The following EXOC6B variants were observed in gnomAD, a reference collection of about 807,000 sequenced individuals.
EXOC6B encodes the protein exocyst complex component 6B, also known as SEC15 homolog B.
In EXOC6B, 54 loss-of-function variants were observed where a neutral mutation model predicts 113.5. The ratio of observed to expected loss-of-function variants is 0.48; its 90% CI spans 0.38 to 0.60. EXOC6B has a LOEUF of 0.60. Among genes scored for constraint, EXOC6B ranks in the 20% least tolerant of loss-of-function variants. The probability of loss-of-function intolerance (pLI) is 0.00; values close to 1 mark genes in which losing one functional copy is unlikely to be tolerated. For synonymous variants in EXOC6B, 357 were observed against 339.0 expected (o/e 1.05, Z -0.58); for missense variants, 797 against 977.5 (o/e 0.82, Z 2.46).
At chr2:72,350,511 T>C (rs917814620) in intron 19 of EXOC6B, among the ~76,000 whole-genome samples, 8 of 152,240 alleles carry the variant, frequency 5.3e-5, no homozygotes, top group African/African-American at 1.9e-4. Flanking sequence ...GGATCTATCT[T>C]ATTAGAGAAT....
intron 5 of EXOC6B, chr2:72,721,984 C>A (rs146948032): frequency 7.1e-6 from 1 of 141,372 alleles, no homozygotes; most frequent in East Asian, 2.1e-4. Context: ...TGCAGTACCT[C>A]CAGGAATGGT....
At chr2:72,183,011 C>A in intron 21 of EXOC6B, 1 of 666,120 alleles carries the variant, frequency 1.5e-6, no homozygotes, top group Non-Finnish European at 2.1e-6. Flanking sequence ...AGTTTTTAGT[C>A]TCTTGGCTCC....
intron 6 of EXOC6B, among the ~76,000 whole-genome samples, chr2:72,627,182 T>C (rs1672104213): frequency 6.6e-6 from 1 of 152,224 alleles, no homozygotes. Context: ...AATCAGTGTC[T>C]TGTTTTTCTT....
At chr2:72,352,912 A>C (rs1367949487) in intron 19 of EXOC6B, among the ~76,000 whole-genome samples, 3 of 152,156 alleles carry the variant, frequency 2.0e-5, no homozygotes, top group Non-Finnish European at 4.4e-5. Flanking sequence ...AAAAGCGCTC[A>C]ATTAATACAG....
chr2:72,269,319 G>T (rs1684333554), intron 20 of EXOC6B, among the ~76,000 whole-genome samples: 1 of 152,084 alleles, frequency 6.6e-6, no homozygotes, highest in Admixed American at 6.6e-5. Flanking sequence ...TGTATTTAAG[G>T]TATGGAGAAA....
At chr2:72,301,428 G>C (rs1235893282) in intron 20 of EXOC6B, among the ~76,000 whole-genome samples, 3 of 152,190 alleles carry the variant, frequency 2.0e-5, no homozygotes. Context: ...AATGTTACCA[G>C]TTCTTCTTTG....
At chr2:72,454,735 G>A (rs1434508847) in intron 18 of EXOC6B, among the ~76,000 whole-genome samples, 2 of 152,074 alleles carry the variant, frequency 1.3e-5, no homozygotes, top group Non-Finnish European at 2.9e-5. Flanking sequence ...CATTAAAGAG[G>A]CAAAGGACTA....
intron 6 of EXOC6B, among the ~76,000 whole-genome samples, chr2:72,690,474 T>G (rs1226577469): frequency 6.6e-6 from 1 of 152,184 alleles, no homozygotes; most frequent in East Asian, 1.9e-4. Flanking sequence ...CTCATTTGAG[T>G]CTTTATTTTG....
Position 72,179,109 on chromosome 2 carries a change from G to C in EXOC6B, c.*226C>G, listed in dbSNP as rs1677921910. 2.0e-6 allele frequency: 1 copy of C among 509,816 alleles called. No homozygotes were observed. The highest frequency in any genetic ancestry group is 3.4e-6 in the Non-Finnish European group (1 of 294,164). 31.6% of individuals were successfully genotyped at this position (509,816 alleles called of 1,614,324 possible). A position where few individuals can be genotyped will look rare whatever the true frequency, so the allele number is the denominator to read the frequency against. On this transcript the variant is annotated 3_prime_UTR_variant, in exon 22 of 22. Coordinates refer to ENST00000272427, the MANE Select transcript of EXOC6B (RefSeq NM_015189.3). ...TCTCTAAGATAACACAGATAGTGTA[G>C]TAATAACTTCCCCTGAGTCCCAGCC...
chr2:72,625,134 C>A lies in EXOC6B; in HGVS notation c.670-49466G>T, dbSNP rs570425832. ...GCAGAATCTCGCTATATTGTTCAGG[C>A]TGGTCTCCTAGCGTCAGGTAATCCT... On this transcript the variant is annotated intron_variant, in intron 6 of 21. Coordinates refer to ENST00000272427, the MANE Select transcript of EXOC6B (RefSeq NM_015189.3). Among the ~76,000 whole-genome samples the A allele has an allele frequency of 1.1e-4, 17 of 151,326 alleles. No homozygotes were observed. In the South Asian group the frequency reaches 2.9e-3, roughly 26 times the overall value.
intron 19 of EXOC6B, among the ~76,000 whole-genome samples, chr2:72,370,333 A>G (rs1398892134): frequency 1.3e-5 from 2 of 152,166 alleles, no homozygotes; most frequent in African/African-American, 4.8e-5. Flanking sequence ...CACCAGTTAG[A>G]ATGGCGATCA....
intron 8 of EXOC6B, among the ~76,000 whole-genome samples, chr2:72,557,260 GA>G (rs1241529712): frequency 2.4e-5 from 2 of 85,080 alleles, no homozygotes; most frequent in African/African-American, 4.4e-5. Flanking sequence ...TGAATGAATG[GA>G]AAAAAATATA....
chr2:72,537,248 G>C (rs1296114072), intron 8 of EXOC6B, among the ~76,000 whole-genome samples: 2 of 151,932 alleles, frequency 1.3e-5, no homozygotes, highest in Non-Finnish European at 2.9e-5. Context: ...TAGTTATCCA[G>C]TAAGATCTTT....
At chr2:72,427,159 C>T (rs769444421) in intron 18 of EXOC6B, among the ~76,000 whole-genome samples, 1 of 152,190 alleles carries the variant, frequency 6.6e-6, no homozygotes, top group East Asian at 1.9e-4. Context: ...CCAGCCGCCC[C>T]GTGGCCACAG....
In EXOC6B at chr2:72,794,800, A is replaced by C. The variant is rs143414990; in HGVS notation, c.113+30998T>G. 3.4e-3 allele frequency among the ~76,000 whole-genome samples: 525 copies of C among 152,366 alleles called. 4 individuals carry two copies. Among genetic ancestry groups the C allele is most frequent in the African/African-American group, 0.012 (499 of 41,578 alleles). ...GGAAATAGAAGTAGGAAAGAAATTA[A>C]CAGAGAAATTCTAACAGGAAATGAG... On this transcript the variant is annotated intron_variant, in intron 1 of 21. Coordinates refer to ENST00000272427, the MANE Select transcript of EXOC6B (RefSeq NM_015189.3).
intron 17 of EXOC6B, among the ~76,000 whole-genome samples, chr2:72,467,816 G>C (rs1298152633): frequency 6.6e-6 from 1 of 151,788 alleles, no homozygotes; most frequent in Non-Finnish European, 1.5e-5. Context: ...TGTCACCTAG[G>C]CTGGAGTGAA....
chr2:72,767,304 G>A (rs1359388652), intron 1 of EXOC6B, among the ~76,000 whole-genome samples: 1 of 151,916 alleles, frequency 6.6e-6, no homozygotes, highest in Non-Finnish European at 1.5e-5. Flanking sequence ...AGTGCCGGGC[G>A]CCTGTAATCC....
At chr2:72,654,009 G>T (rs568793287) in intron 6 of EXOC6B, among the ~76,000 whole-genome samples, 2 of 144,118 alleles carry the variant, frequency 1.4e-5, no homozygotes, top group African/African-American at 5.2e-5. Flanking sequence ...TTACTCTGTC[G>T]CCCAGGCTGG....
intron 18 of EXOC6B, among the ~76,000 whole-genome samples, chr2:72,415,095 T>C (rs1245427883): frequency 6.6e-6 from 1 of 152,314 alleles, no homozygotes; most frequent in South Asian, 2.1e-4. Context: ...ATATTTTTCA[T>C]TTAAGAAATA....
Sources: gnomAD v4.1 joint callset for allele counts (sites outside exome capture counted in the v4.1 genomes callset) on GRCh38, gnomAD v4.1.1 for gene constraint, MANE v1.5 for transcripts, NCBI Gene and HGNC (gene_info 2026-07-23, HGNC 2026-07-21) for gene names.